RAI1: variants seen among roughly 807,000 people sequenced by gnomAD.
RAI1 encodes retinoic acid induced 1.
A neutral mutation model predicts 123.8 loss-of-function variants in RAI1; 9 were observed. The ratio of observed to expected loss-of-function variants is 0.07; its 90% CI spans 0.04 to 0.13. The LOEUF is 0.13. RAI1 is among the 10% of genes least tolerant of loss of function. The probability of loss-of-function intolerance (pLI) is 1.00; values close to 1 mark genes in which losing one functional copy is unlikely to be tolerated. For missense variants in RAI1, 2,256 were observed against 2,545.8 expected, an observed-to-expected ratio of 0.89 and a Z score of 2.45; for synonymous variants, 1,231 against 1,127.3, an observed-to-expected ratio of 1.09 and a Z score of -1.84.
In RAI1 at chr17:17,710,934, G is replaced by A. The variant is rs1338040312; in HGVS notation, c.-148-13094G>A. Among the ~76,000 whole-genome samples, 55 of 152,328 alleles carry A rather than the reference G, an allele frequency of 3.6e-4. 1 individual carries two copies. The highest frequency in any genetic ancestry group is 3.0e-3 in the Admixed American group (46 of 15,306). ...CCTGAGGGCCCCCATGTGTCTGTGC[G>A]GGGGTGTTGATGGGGGGCAGGTGGG... is the stretch of plus-strand genomic sequence containing the variant. On this transcript the variant is annotated intron_variant, in intron 1 of 5. Coordinates refer to ENST00000353383, the MANE Select transcript of RAI1 (RefSeq NM_030665.4).
At chr17:17,771,908 C>T (rs541634823) in intron 2 of RAI1, among the ~76,000 whole-genome samples, 1 of 152,330 alleles carries the variant, frequency 6.6e-6, no homozygotes, top group Admixed American at 6.5e-5. Flanking sequence ...CTCTCTGTCC[C>T]CACCACCCCC....
intron 1 of RAI1, among the ~76,000 whole-genome samples, chr17:17,686,430 G>A (rs1416372873): frequency 2.0e-5 from 3 of 152,064 alleles, no homozygotes; most frequent in African/African-American, 7.2e-5. Context: ...GCTGTGCCCT[G>A]TTCCTGGTGG....
At chr17:17,755,465 C>G (rs867445446) in intron 2 of RAI1, among the ~76,000 whole-genome samples, 3 of 152,186 alleles carry the variant, frequency 2.0e-5, no homozygotes, top group African/African-American at 7.2e-5. Context: ...CCCTCACCAA[C>G]TTGCCCCAGC....
chr17:17,809,296 G>T lies in RAI1; in HGVS notation c.5660-94G>T. 9.4e-7 allele frequency: 1 copy of T among 1,062,168 alleles called. No homozygotes were observed. Among genetic ancestry groups the T allele is most frequent in the South Asian group, 1.2e-5 (1 of 80,008 alleles). The allele number at this position is 1,062,168 out of a possible 1,614,324, so 65.8% of individuals were successfully genotyped here. A position where few individuals can be genotyped will look rare whatever the true frequency, so the allele number is the denominator to read the frequency against. The stretch of plus-strand genomic sequence containing the variant: ...GAGCCCCTGCAGTCTGGAGCCTCGC[G>T]GGCAGTGCGGCTCCCCTCCTGGCTG... On this transcript the variant is annotated intron_variant, in intron 4 of 5. Transcript: ENST00000353383. This position sits in a 1 kb window ranked among gnomAD's most constrained non-coding sequence, Gnocchi z 4.9.
Position 17,714,357 on chromosome 17 carries a change from T to A in RAI1, c.-148-9671T>A, listed in dbSNP as rs952911458. Among the ~76,000 whole-genome samples the A allele has an allele frequency of 1.1e-4, 16 of 152,052 alleles. No homozygotes were observed. Among genetic ancestry groups the A allele is most frequent in the Non-Finnish European group, 2.4e-4 (16 of 67,962 alleles). On this transcript the variant is annotated intron_variant, in intron 1 of 5. Transcript: ENST00000353383. This position sits in a 1 kb window ranked among gnomAD's most constrained non-coding sequence, Gnocchi z 4.9. ...TCGGGACAAAGCGTGGGTGGGCCTG[T>A]GCCCTGGTGGCATAACCAAGTAGGA...
At position 17,735,510 on chromosome 17, in the gene RAI1, C is replaced by T. The variant is rs147701112; in HGVS notation, c.-17+11351C>T. Reference sequence around the variant, plus strand: ...CTGGGACTACAGGCGTGCGCCACCACGCCCGGCTGATTTTTTTTGTATTTT... The same window carrying T: ...CTGGGACTACAGGCGTGCGCCACCATGCCCGGCTGATTTTTTTTGTATTTT... On this transcript the variant is annotated intron_variant, in intron 2 of 5. Coordinates refer to ENST00000353383, the MANE Select transcript of RAI1 (RefSeq NM_030665.4). Among the ~76,000 whole-genome samples the T allele has an allele frequency of 2.5e-3, 386 of 151,862 alleles. 2 individuals are homozygous for T. The highest frequency in any genetic ancestry group is 8.8e-3 in the African/African-American group (365 of 41,370).
rs755030247 is a variant in RAI1 at position 17,797,719 on chromosome 17, C to T, written c.4771C>T (p.Arg1591Trp). The T allele has an allele frequency of 2.5e-6, 4 of 1,613,650 alleles. No individual in the cohort carries two copies. Among genetic ancestry groups the T allele is most frequent in the East Asian group, 2.2e-5 (1 of 44,848 alleles). Reference protein sequence around the residue: ...SSCKRLRSDSRTPAFSPFVRV... With the variant: ...SSCKRLRSDSWTPAFSPFVRV... ...TTGCAAGCGGCTGAGGTCAGACAGC[C>T]GGACCCCCGCCTTCTCACCCTTCGT... Residue 1591 changes from arginine to tryptophan, a missense_variant, in exon 3 of 6, where the codon CGG becomes TGG. Physicochemically the swap from Arg to Trp is moderately radical, Grantham distance 101. Coordinates refer to ENST00000353383, the MANE Select transcript of RAI1 (RefSeq NM_030665.4).
At chr17:17,788,861 G>T (rs1175044639) in intron 2 of RAI1, among the ~76,000 whole-genome samples, 4 of 152,180 alleles carry the variant, frequency 2.6e-5, no homozygotes, top group Non-Finnish European at 5.9e-5. Context: ...CCATTTCGCT[G>T]ACTGGGGCCT....
At position 17,798,338 on chromosome 17, in the gene RAI1, C is replaced by A; in HGVS notation, c.5390C>A (p.Ala1797Asp). 6.2e-7 allele frequency: 1 copy of A among 1,601,520 alleles called. No homozygotes were observed. The highest frequency in any genetic ancestry group is 1.7e-4 in the Middle Eastern group (1 of 6,042). The change falls in exon 3 of 6, where the codon GCC becomes GAC. Residue 1797 changes from alanine to aspartate, a missense_variant. Ala to Asp is a moderately radical substitution (Grantham distance 126, BLOSUM62 -2). Transcript: ENST00000353383. ...DGREDGGEEA[A>D]PADKGRKHEC... ...CGGGAGGATGGGGGCGAGGAGGCAGCCCCAGCCGACAAGGGTCGCAAACAT... is the reference window on the plus strand; with the variant it reads ...CGGGAGGATGGGGGCGAGGAGGCAGACCCAGCCGACAAGGGTCGCAAACAT...
At chr17:17,709,818 T>C (rs1915510420) in intron 1 of RAI1, among the ~76,000 whole-genome samples, 1 of 152,168 alleles carries the variant, frequency 6.6e-6, no homozygotes, top group Non-Finnish European at 1.5e-5. Flanking sequence ...TTCCAGAATC[T>C]TGGAAACCTG....
intron 1 of RAI1, among the ~76,000 whole-genome samples, chr17:17,709,368 C>A (rs1298236071): frequency 6.6e-6 from 1 of 152,130 alleles, no homozygotes; most frequent in Admixed American, 6.5e-5. Context: ...TCTTTGGTCT[C>A]ACCTCTACTC....
Position 17,801,722 on chromosome 17 carries a change from T to G in RAI1, c.5566-2034T>G, listed in dbSNP as rs1463462643. Reference sequence around the variant, plus strand: ...ATGGGCAGCGGGGAGGGGAGTGTTCTGACATTTCTCAGCTGCTGTGGTTGG... The same window carrying G: ...ATGGGCAGCGGGGAGGGGAGTGTTCGGACATTTCTCAGCTGCTGTGGTTGG... On this transcript the variant is annotated intron_variant, in intron 3 of 5. Transcript: ENST00000353383. The surrounding 1 kb of genome is among the most constrained non-coding windows in gnomAD (Gnocchi z 4.1). 6.6e-6 allele frequency among the ~76,000 whole-genome samples: 1 copy of G among 152,212 alleles called. No individual in the cohort carries two copies. The highest frequency in any genetic ancestry group is 2.4e-5 in the African/African-American group (1 of 41,448).
intron 2 of RAI1, among the ~76,000 whole-genome samples, chr17:17,787,866 G>T (rs1204472606): frequency 6.6e-6 from 1 of 152,206 alleles, no homozygotes; most frequent in East Asian, 1.9e-4. Flanking sequence ...GGCTTAGCAG[G>T]TCTCAGCTGT....
chr17:17,751,850 G>C (rs2030187491), intron 2 of RAI1, among the ~76,000 whole-genome samples: 1 of 152,136 alleles, frequency 6.6e-6, no homozygotes, highest in Middle Eastern at 3.2e-3. Flanking sequence ...GCACTCAGTC[G>C]CGGTGTAACG....
intron 1 of RAI1, among the ~76,000 whole-genome samples, chr17:17,716,466 A>C (rs748505012): frequency 6.6e-6 from 1 of 152,290 alleles, no homozygotes; most frequent in Admixed American, 6.5e-5. Flanking sequence ...GAGTGTGTGT[A>C]CACACAGATG....
intron 1 of RAI1, among the ~76,000 whole-genome samples, chr17:17,713,626 A>G (rs1915629568): frequency 6.6e-6 from 1 of 151,338 alleles, no homozygotes. Context: ...GGGCAACGAG[A>G]GCAAAACTCC....
chr17:17,697,653 C>G (rs968809818), intron 1 of RAI1, among the ~76,000 whole-genome samples: 2 of 152,108 alleles, frequency 1.3e-5, no homozygotes, highest in Non-Finnish European at 2.9e-5. Context: ...TGCGTGTGTT[C>G]CTGAGCTTGG....
In RAI1 at chr17:17,799,074, G is replaced by C. The variant is rs1255399597; in HGVS notation, c.5565+561G>C. Among the ~76,000 whole-genome samples, 8 of 152,192 alleles carry C rather than the reference G, an allele frequency of 5.3e-5. No individual in the cohort carries two copies. The highest frequency in any genetic ancestry group is 1.7e-4 in the African/African-American group (7 of 41,454). On this transcript the variant is annotated intron_variant, in intron 3 of 5. Transcript: ENST00000353383. This position sits in a 1 kb window ranked among gnomAD's most constrained non-coding sequence, Gnocchi z 4.5. Reference sequence around the variant, plus strand: ...TGGGGTCACACAGTCACAACAGGCAGGGCGGGGCAGATCCAGACCCTCTCA... The same window carrying C: ...TGGGGTCACACAGTCACAACAGGCACGGCGGGGCAGATCCAGACCCTCTCA...
At chr17:17,782,765 C>T (rs1411196134) in intron 2 of RAI1, among the ~76,000 whole-genome samples, 1 of 152,074 alleles carries the variant, frequency 6.6e-6, no homozygotes, top group African/African-American at 2.4e-5. Flanking sequence ...GGGCGCACCT[C>T]TCCGTCAGGT....
Sources: gnomAD v4.1 joint callset for allele counts (sites outside exome capture counted in the v4.1 genomes callset) on GRCh38, gnomAD v4.1.1 for gene constraint, Gnocchi (gnomAD v3.1) non-coding constraint, MANE v1.5 for transcripts, NCBI Gene and HGNC (gene_info 2026-07-23, HGNC 2026-07-21) for gene names.